The following RPS6KA2 variants were observed in gnomAD, a reference collection of about 807,000 sequenced individuals.
RPS6KA2 encodes the protein ribosomal protein S6 kinase alpha-2.
In RPS6KA2, 42 loss-of-function variants were observed where a neutral mutation model predicts 91.8. That is an observed-to-expected ratio of 0.46 (90% CI 0.36 to 0.59). RPS6KA2 has a LOEUF of 0.59. RPS6KA2 is among the 20% of genes least tolerant of loss of function. RPS6KA2 has a pLI of 0.00. For missense variants in RPS6KA2, 798 were observed against 978.5 expected (o/e 0.82, Z 2.46); for synonymous variants, 414 against 393.6 (o/e 1.05, Z -0.61).
At position 166,802,558 on chromosome 6, in the gene RPS6KA2, G is replaced by A. The variant is rs940167905; in HGVS notation, c.123+55642C>T. Among the ~76,000 whole-genome samples the A allele has an allele frequency of 1.8e-4, 28 of 152,110 alleles. 1 individual carries two copies. Among genetic ancestry groups the A allele is most frequent in the Non-Finnish European group, 3.2e-4 (22 of 68,022 alleles). ...GCACGACCGTCTGCCAGACACTAAC[G>A]GGAATGTTTTCTGGGCTGACTCATT... is the stretch of plus-strand genomic sequence containing the variant. On this transcript the variant is annotated intron_variant, in intron 2 of 21. Transcript: ENST00000503859.
At chr6:166,676,802 G>C (rs1202185499) in intron 2 of RPS6KA2, among the ~76,000 whole-genome samples, 1 of 152,182 alleles carries the variant, frequency 6.6e-6, no homozygotes, top group Non-Finnish European at 1.5e-5. Flanking sequence ...CAATCTACAT[G>C]TTTGTATGTA....
intron 2 of RPS6KA2, among the ~76,000 whole-genome samples, chr6:166,797,128 C>T (rs973712795): frequency 6.6e-5 from 10 of 152,268 alleles, no homozygotes; most frequent in East Asian, 1.9e-4. Flanking sequence ...GGAAAAACTC[C>T]GTTTCTCCAA....
Position 166,459,030 on chromosome 6 carries a change from G to C in RPS6KA2, c.1075+419C>G, listed in dbSNP as rs1780190217. ...GTAGCCGATACTACTTTTCAAATGG[G>C]TTTCTGTTTTTTGCATGAATAATAT... is the stretch of plus-strand genomic sequence containing the variant. On this transcript the variant is annotated intron_variant, in intron 12 of 20. Transcript: ENST00000265678. This position sits in a 1 kb window ranked among gnomAD's most constrained non-coding sequence, Gnocchi z 4.9. Among the ~76,000 whole-genome samples the C allele has an allele frequency of 6.6e-6, 1 of 152,154 alleles. No homozygotes were observed.
At chr6:166,477,115 G>C (rs543293585) in intron 10 of RPS6KA2, among the ~76,000 whole-genome samples, 1 of 152,164 alleles carries the variant, frequency 6.6e-6, no homozygotes, top group African/African-American at 2.4e-5. Context: ...CTCCAGCTCC[G>C]CAGGCAACTA....
intron 1 of RPS6KA2, among the ~76,000 whole-genome samples, chr6:166,558,700 G>A (rs1784249098): frequency 6.6e-6 from 1 of 152,122 alleles, no homozygotes; most frequent in Non-Finnish European, 1.5e-5. Flanking sequence ...TAACGGAAAA[G>A]GTTTTCCAGG....
In RPS6KA2 at chr6:166,423,445, T is replaced by C. The variant is rs765714344; in HGVS notation, c.1582-28A>G. On this transcript the variant is annotated intron_variant, in intron 16 of 20. Coordinates refer to ENST00000265678, the MANE Select transcript of RPS6KA2 (RefSeq NM_021135.6). The surrounding 1 kb of genome is among the most constrained non-coding windows in gnomAD (Gnocchi z 4.8). Reference sequence around the variant, plus strand: ...GCAAGACAGAAGGCACAGTGCCTACTTGGGGGCTGAGGACTGAGCAGGAGA... The same window carrying C: ...GCAAGACAGAAGGCACAGTGCCTACCTGGGGGCTGAGGACTGAGCAGGAGA... 7.7e-5 allele frequency: 123 copies of C among 1,592,226 alleles called. No individual in the cohort carries two copies. Among genetic ancestry groups the C allele is most frequent in the Non-Finnish European group, 9.5e-5 (110 of 1,163,618 alleles).
At chr6:166,828,040 G>C (rs1335245860) in intron 2 of RPS6KA2, among the ~76,000 whole-genome samples, 2 of 152,224 alleles carry the variant, frequency 1.3e-5, no homozygotes, top group African/African-American at 2.4e-5. Context: ...GTACCTGACA[G>C]AATTTGCTAC....
chr6:166,641,769 A>G (rs1421200818), intron 2 of RPS6KA2, among the ~76,000 whole-genome samples: 3 of 145,738 alleles, frequency 2.1e-5, no homozygotes, highest in East Asian at 4.0e-4. Context: ...AAAAAATTCA[A>G]TAGATCAATT....
intron 1 of RPS6KA2, among the ~76,000 whole-genome samples, chr6:166,576,868 T>G (rs1023925645): frequency 3.9e-5 from 6 of 152,124 alleles, no homozygotes; most frequent in African/African-American, 1.4e-4. Context: ...GTCAGAGGTC[T>G]TCATGGCATC....
At chr6:166,454,937 T>C (rs1780046344) in intron 12 of RPS6KA2, among the ~76,000 whole-genome samples, 1 of 150,528 alleles carries the variant, frequency 6.6e-6, no homozygotes, top group Non-Finnish European at 1.5e-5. Context: ...ATACATTATA[T>C]AATATGTAAA....
chr6:166,513,318 T>C (rs1466686755), intron 3 of RPS6KA2, among the ~76,000 whole-genome samples: 1 of 152,138 alleles, frequency 6.6e-6, no homozygotes, highest in East Asian at 1.9e-4. Context: ...GTCCTCGCAG[T>C]TCCTAATCCC....
At chr6:166,608,139 G>C (rs1786020849) in intron 1 of RPS6KA2, among the ~76,000 whole-genome samples, 1 of 152,184 alleles carries the variant, frequency 6.6e-6, no homozygotes, top group African/African-American at 2.4e-5. Flanking sequence ...ACTCAGGACA[G>C]ATTTGGAATT....
At chr6:166,623,981 G>A (rs754490544) in intron 1 of RPS6KA2, among the ~76,000 whole-genome samples, 1 of 152,016 alleles carries the variant, frequency 6.6e-6, no homozygotes, top group South Asian at 2.1e-4. Flanking sequence ...GGTTATGGAC[G>A]TAAAATTTAT....
Position 166,495,456 on chromosome 6 carries a change from G to A in RPS6KA2, c.747+3052C>T, listed in dbSNP as rs9459683. Reference sequence around the variant, plus strand: ...GAGTGCCTGCTGTGTTGACGTGCCGGGCAGCGCTGGGCCAGGCCTCCTTCA... The same window carrying A: ...GAGTGCCTGCTGTGTTGACGTGCCGAGCAGCGCTGGGCCAGGCCTCCTTCA... On this transcript the variant is annotated intron_variant, in intron 8 of 20. Transcript: ENST00000265678. This position sits in a 1 kb window ranked among gnomAD's most constrained non-coding sequence, Gnocchi z 4.4. 0.018 allele frequency among the ~76,000 whole-genome samples: 2,698 copies of A among 152,266 alleles called. 97 individuals carry two copies. Among genetic ancestry groups the A allele is most frequent in the African/African-American group, 0.062 (2,562 of 41,532 alleles).
At chr6:166,745,737 G>A (rs927310369) in intron 2 of RPS6KA2, among the ~76,000 whole-genome samples, 6 of 152,206 alleles carry the variant, frequency 3.9e-5, no homozygotes, top group Admixed American at 6.5e-5. Context: ...GCAGCTCCAC[G>A]TGCAGCACTG....
chr6:166,654,852 C>T lies in RPS6KA2; in HGVS notation c.124-116068G>A, dbSNP rs190417958. ...GTGGGAGACACTCGCTTCTGCCTGC[C>T]GGGTCGCCTTTGTGAAGATAACCTT... is the stretch of plus-strand genomic sequence containing the variant. On this transcript the variant is annotated intron_variant, in intron 2 of 21. Transcript: ENST00000503859. Among the ~76,000 whole-genome samples, 11 of 152,242 alleles carry T rather than the reference C, an allele frequency of 7.2e-5. No homozygotes were observed. The East Asian group carries it at 1.3e-3, about 19-fold the overall frequency.
chr6:166,488,801 T>TGGTGGGTG, intron 10 of RPS6KA2, 32 bp downstream of exon 10: 1 of 1,566,926 alleles, frequency 6.4e-7, no homozygotes, highest in South Asian at 1.1e-5. Context: ...GCCCTGCACG[T>TGGTGGGTG]TCCCGTGGTG....
chr6:166,468,828 C>T (rs1267667630), intron 11 of RPS6KA2, among the ~76,000 whole-genome samples: 1 of 128,188 alleles, frequency 7.8e-6, no homozygotes, highest in Non-Finnish European at 1.5e-5. Flanking sequence ...CGCGCCACTG[C>T]ACTCCAGCCT....
chr6:166,721,824 AGGAGGAG>A (rs1790182772), intron 2 of RPS6KA2, among the ~76,000 whole-genome samples: 1 of 2,070 alleles, frequency 4.8e-4, no homozygotes, highest in Non-Finnish European at 7.7e-4. Context: ...GCCAGCTCAG[AGGAGGAG>A]CCGGTGCCAG....
Sources: gnomAD v4.1 joint callset for allele counts (sites outside exome capture counted in the v4.1 genomes callset) on GRCh38, gnomAD v4.1.1 for gene constraint, Gnocchi (gnomAD v3.1) non-coding constraint, MANE v1.5 for transcripts, NCBI Gene and HGNC (gene_info 2026-07-23, HGNC 2026-07-21) for gene names.